HOMER2: variants seen among roughly 807,000 people sequenced by gnomAD.
The protein encoded by HOMER2 is homer scaffold protein 2.
HOMER2 carries 27 observed loss-of-function variants against 47.0 expected under a neutral mutation model. The observed-to-expected ratio is 0.57, with a 90% CI of 0.42 to 0.79. The LOEUF is 0.79. Ranked by LOEUF, HOMER2 falls within the 30% of genes least tolerant of loss-of-function variation. The pLI, the probability that HOMER2 is intolerant of heterozygous loss-of-function variation, is 0.00. For missense variants in HOMER2, 443 were observed against 435.0 expected (o/e 1.02, Z -0.16); for synonymous variants, 161 against 163.8 (o/e 0.98, Z 0.13).
At chr15:82,895,622 T>C (rs1444828055) in intron 1 of HOMER2, among the ~76,000 whole-genome samples, 1 of 152,268 alleles carries the variant, frequency 6.6e-6, no homozygotes, top group Non-Finnish European at 1.5e-5. Context: ...AATCAAATTA[T>C]GCCTCATTGT....
At chr15:82,975,594 T>C (rs563544862) in intron 1 of HOMER2, among the ~76,000 whole-genome samples, 2 of 152,114 alleles carry the variant, frequency 1.3e-5, no homozygotes, top group Non-Finnish European at 2.9e-5. Flanking sequence ...TTACATTAAG[T>C]GAAATAAGCC....
chr15:82,941,118 A>G (rs1233774325), intron 1 of HOMER2, among the ~76,000 whole-genome samples: 1 of 151,700 alleles, frequency 6.6e-6, no homozygotes, highest in Non-Finnish European at 1.5e-5. Context: ...TTTCCTTCCA[A>G]TCTCCATACT....
At chr15:82,949,252 T>C (rs2054451855) in intron 1 of HOMER2, among the ~76,000 whole-genome samples, 1 of 152,124 alleles carries the variant, frequency 6.6e-6, no homozygotes, top group Non-Finnish European at 1.5e-5. Flanking sequence ...GGCATATCGA[T>C]GGCATTTGAA....
chr15:82,867,195 T>C (rs895837113), intron 3 of HOMER2, among the ~76,000 whole-genome samples: 3 of 151,888 alleles, frequency 2.0e-5, no homozygotes, highest in African/African-American at 7.3e-5. Flanking sequence ...CTTTAAAAAA[T>C]CAGGATGCTT....
intron 3 of HOMER2, among the ~76,000 whole-genome samples, chr15:82,867,333 C>T (rs2151641513): frequency 6.8e-6 from 1 of 146,996 alleles, no homozygotes; most frequent in African/African-American, 2.5e-5. Flanking sequence ...ACAGACTTCA[C>T]TACATAATAA....
rs369923749 is a variant in HOMER2, at chr15:82,920,534, C to T, written c.6-27693G>A. The stretch of plus-strand genomic sequence containing the variant: ...CCACCTTTCCCAGCTTCTAGAGCTG[C>T]GTTCCTTGGCTCATGGCCTCCTCCT... On this transcript the variant is annotated intron_variant, in intron 1 of 8. Coordinates refer to ENST00000450735, the MANE Select transcript of HOMER2 (RefSeq NM_004839.4). Among the ~76,000 whole-genome samples the T allele has an allele frequency of 4.6e-5, 7 of 152,182 alleles. No homozygotes were observed. The South Asian group carries it at 8.3e-4, about 18-fold the overall frequency.
intron 3 of HOMER2, among the ~76,000 whole-genome samples, chr15:82,869,820 C>G (rs2052119631): frequency 6.6e-6 from 1 of 152,104 alleles, no homozygotes; most frequent in African/African-American, 2.4e-5. Flanking sequence ...TAACCAATTT[C>G]CTAGTACTGG....
At chr15:82,969,078 G>A (rs2029897607) in intron 1 of HOMER2, among the ~76,000 whole-genome samples, 1 of 152,222 alleles carries the variant, frequency 6.6e-6, no homozygotes, top group African/African-American at 2.4e-5. Flanking sequence ...TTCAGAAAGT[G>A]GATAGAGAAG....
chr15:82,836,926 C>A (rs1168450612), downstream of HOMER2: 1 of 152,268 alleles, frequency 6.6e-6, no homozygotes, highest in Admixed American at 6.5e-5. Context: ...GCTGCCATAA[C>A]AAATCACCAC....
chr15:82,861,953 G>T (rs376331199), intron 4 of HOMER2, among the ~76,000 whole-genome samples: 24 of 151,118 alleles, frequency 1.6e-4, no homozygotes, highest in African/African-American at 5.4e-4. Flanking sequence ...GTTGCAGTGA[G>T]CAGAGGTTGC....
At chr15:82,958,259 G>C (rs1210956528) in exon 2 of HOMER2, 3 of 152,230 alleles carry the variant, frequency 2.0e-5, no homozygotes, top group Non-Finnish European at 4.4e-5. Context: ...CTTCAAAAAG[G>C]GGATGTGTGA....
chr15:82,873,181 A>G (rs11853382), intron 3 of HOMER2, among the ~76,000 whole-genome samples: 7,630 of 152,200 alleles, frequency 0.05, 600 homozygotes, highest in African/African-American at 0.17. Context: ...TCCTACTGTC[A>G]ACACAGTGAC....
intron 4 of HOMER2, among the ~76,000 whole-genome samples, chr15:82,860,019 G>A (rs908222623): frequency 1.4e-4 from 21 of 151,970 alleles, no homozygotes; most frequent in Middle Eastern, 3.4e-3. Flanking sequence ...AGGCTGAGGC[G>A]GGCAGATCAC....
chr15:82,936,289 T>C (rs2054141809), intron 1 of HOMER2, among the ~76,000 whole-genome samples: 1 of 152,204 alleles, frequency 6.6e-6, no homozygotes, highest in Non-Finnish European at 1.5e-5. Context: ...CCCTTGCTTT[T>C]TTCCCTCTGG....
At chr15:82,917,167 C>T (rs1297886649) in intron 1 of HOMER2, among the ~76,000 whole-genome samples, 1 of 152,216 alleles carries the variant, frequency 6.6e-6, no homozygotes, top group African/African-American at 2.4e-5. Flanking sequence ...AAGAAGTACC[C>T]ATTTCTGATT....
chr15:82,862,925 C>T (rs534164354), intron 4 of HOMER2, among the ~76,000 whole-genome samples: 6 of 152,240 alleles, frequency 3.9e-5, no homozygotes, highest in Admixed American at 3.9e-4. Context: ...CTCTGAGCAC[C>T]GACATATTGG....
chr15:82,965,550 G>T (rs775405132), intron 1 of HOMER2, among the ~76,000 whole-genome samples: 1 of 152,072 alleles, frequency 6.6e-6, no homozygotes, highest in Non-Finnish European at 1.5e-5. Flanking sequence ...GAGCATAGTG[G>T]TTAAGTGAGA....
chr15:82,924,885 CCAA>C (rs1189049331), intron 1 of HOMER2, among the ~76,000 whole-genome samples: 1 of 152,164 alleles, frequency 6.6e-6, no homozygotes. Flanking sequence ...TCACCTAAGC[CCAA>C]CGTGATGCTC....
chr15:82,835,234 C>T (rs1272792331), downstream of HOMER2: 4 of 152,066 alleles, frequency 2.6e-5, no homozygotes, highest in East Asian at 1.9e-4. Flanking sequence ...TCAAGTGATT[C>T]TCCTGCCTCA....
Sources: allele counts gnomAD v4.1 joint callset (sites outside exome capture counted in the v4.1 genomes callset), GRCh38; gene constraint gnomAD v4.1.1; transcripts MANE v1.5; gene names NCBI Gene and HGNC (gene_info 2026-07-23, HGNC 2026-07-21).